MAP2: variants seen among roughly 807,000 people sequenced by gnomAD.
MAP2 encodes the protein microtubule-associated protein 2.
Under a neutral mutation model 137.6 loss-of-function variants are expected in MAP2, and 14 were observed. The ratio of observed to expected loss-of-function variants is 0.10; its 90% confidence interval spans 0.07 to 0.16. MAP2 has a LOEUF of 0.16. Ranked by LOEUF, MAP2 falls within the 10% of genes least tolerant of loss-of-function variation. The pLI, the probability that MAP2 is intolerant of heterozygous loss-of-function variation, is 1.00. For missense variants in MAP2, 2,088 were observed against 2,191.5 expected, an observed-to-expected ratio of 0.95 and a Z score of 0.94; for synonymous variants, 786 against 782.3, an observed-to-expected ratio of 1.00 and a Z score of -0.08.
intron 1 of MAP2, among the ~76,000 whole-genome samples, chr2:209,495,302 C>A (rs10183315): frequency 1.6e-4 from 24 of 152,368 alleles, no homozygotes; most frequent in Admixed American, 2.0e-4. Context: ...CTGAAGAGAG[C>A]GGCAGATCTC....
rs2074178632 is a variant in MAP2 at position 209,570,284 on chromosome 2, C to CT, written c.-171-9750dup. On this transcript the variant is annotated intron_variant, in intron 2 of 15. Coordinates refer to ENST00000682079, the MANE Select transcript of MAP2 (RefSeq NM_001375505.1). ...AAAATTCTTAGTTCTATGTTTATCT[C>CT]TTCCTCTTCTGATACCTTCTAAGTG... Among the ~76,000 whole-genome samples, 4 of 151,790 alleles carry CT rather than the reference C, an allele frequency of 2.6e-5. No individual in the cohort carries two copies. The South Asian group carries it at 8.3e-4, about 31-fold the overall frequency.
At chr2:209,664,777 T>A (rs1331446657) in intron 5 of MAP2, among the ~76,000 whole-genome samples, 2 of 151,320 alleles carry the variant, frequency 1.3e-5, no homozygotes, top group Non-Finnish European at 2.9e-5. Flanking sequence ...CTGGCCAACA[T>A]TGTGAAATCC....
intron 2 of MAP2, among the ~76,000 whole-genome samples, chr2:209,521,820 G>A (rs913839396): frequency 3.9e-5 from 6 of 151,958 alleles, no homozygotes; most frequent in African/African-American, 1.2e-4. Context: ...TTCCTTAATT[G>A]TTGTTTTCAT....
At chr2:209,710,283 G>T in intron 13 of MAP2, 29 bp downstream of exon 13, 2 of 1,510,344 alleles carry the variant, frequency 1.3e-6, no homozygotes, top group Non-Finnish European at 1.8e-6. Context: ...CATATTTGCT[G>T]CCAGAAATAA....
chr2:209,720,656 A>C (rs1032356804), intron 13 of MAP2, among the ~76,000 whole-genome samples: 3 of 151,668 alleles, frequency 2.0e-5, no homozygotes, highest in African/African-American at 4.8e-5. Flanking sequence ...AAAAAAAAAA[A>C]AAAAACTTGA....
intron 1 of MAP2, among the ~76,000 whole-genome samples, chr2:209,473,355 T>C (rs1706290460): frequency 6.6e-6 from 1 of 152,156 alleles, no homozygotes; most frequent in Non-Finnish European, 1.5e-5. Flanking sequence ...AATGTTGCTT[T>C]CCTTCATTCT....
At chr2:209,488,442 T>C (rs530288814) in intron 1 of MAP2, among the ~76,000 whole-genome samples, 1 of 152,176 alleles carries the variant, frequency 6.6e-6, no homozygotes, top group South Asian at 2.1e-4. Context: ...ACAGAACCAT[T>C]CACTCCCCTG....
intron 7 of MAP2, among the ~76,000 whole-genome samples, chr2:209,688,432 A>G (rs558681244): frequency 6.6e-6 from 1 of 152,344 alleles, no homozygotes; most frequent in Non-Finnish European, 1.5e-5. Flanking sequence ...TGCTATATTA[A>G]TATGATAGAT....
At chr2:209,528,983 A>G (rs1193031468) in intron 2 of MAP2, among the ~76,000 whole-genome samples, 1 of 151,898 alleles carries the variant, frequency 6.6e-6, no homozygotes, top group Non-Finnish European at 1.5e-5. Context: ...CACATTTTAA[A>G]AAGCCTAATC....
rs550382208 is a variant in MAP2 at position 209,701,419 on chromosome 2, T to G, written c.4584+1081T>G. On this transcript the variant is annotated intron_variant, in intron 11 of 15. Coordinates refer to ENST00000682079, the MANE Select transcript of MAP2 (RefSeq NM_001375505.1). ...TGACCAAAGCCAACATGAAGTATTT[T>G]CACTCCTTTATGATTGAAAGAAAAA... Among the ~76,000 whole-genome samples, 3 of 152,096 alleles carry G rather than the reference T, an allele frequency of 2.0e-5. No individual in the cohort carries two copies. The East Asian group carries it at 5.8e-4, about 29-fold the overall frequency.
chr2:209,601,767 C>T (rs139640395), intron 3 of MAP2, among the ~76,000 whole-genome samples: 422 of 152,126 alleles, frequency 2.8e-3, no homozygotes, highest in Admixed American at 4.8e-3. Context: ...CTGTGATATG[C>T]GACATACAGA....
intron 5 of MAP2, among the ~76,000 whole-genome samples, chr2:209,674,273 A>G (rs76776683): frequency 0.033 from 4,954 of 151,910 alleles, 261 homozygotes; most frequent in African/African-American, 0.11. Context: ...TAGAAGACTC[A>G]GAAAAATACA....
chr2:209,499,510 ATG>A, intron 1 of MAP2, among the ~76,000 whole-genome samples: 1 of 152,212 alleles, frequency 6.6e-6, no homozygotes, highest in South Asian at 2.1e-4. Flanking sequence ...TCACATTTCC[ATG>A]TATCTTTATA....
At chr2:209,597,535 C>T (rs149083242) in intron 3 of MAP2, among the ~76,000 whole-genome samples, 19 of 152,246 alleles carry the variant, frequency 1.2e-4, no homozygotes, top group Middle Eastern at 3.4e-3. Flanking sequence ...TCACAGGCAC[C>T]ATTGTACACA....
At chr2:209,593,889 A>G (rs1364679114) in intron 3 of MAP2, among the ~76,000 whole-genome samples, 2 of 52,250 alleles carry the variant, frequency 3.8e-5, no homozygotes, top group Admixed American at 4.1e-4. Context: ...ATATATTTAT[A>G]TTATTAAAAT....
rs35558337 is a variant in MAP2 at position 209,649,204 on chromosome 2, T to TGG, written c.-29-3934_-29-3933dup. 4.4e-4 allele frequency among the ~76,000 whole-genome samples: 67 copies of TGG among 151,810 alleles called. No homozygotes were observed. The Middle Eastern group carries it at 0.01, about 23-fold the overall frequency. Reference sequence around the variant, plus strand: ...TTAAAAAAAAATTTTTTTGTAGAGATGGGGGTCTCACTATGTTGATCAGGC... The same window carrying TGG: ...TTAAAAAAAAATTTTTTTGTAGAGATGGGGGGGTCTCACTATGTTGATCAGGC... On this transcript the variant is annotated intron_variant, in intron 4 of 15. Transcript: ENST00000682079.
At chr2:209,658,125 G>A (rs925866379) in intron 5 of MAP2, among the ~76,000 whole-genome samples, 7 of 152,114 alleles carry the variant, frequency 4.6e-5, no homozygotes, top group Admixed American at 3.3e-4. Context: ...ATTAGAACTT[G>A]TATCAAGATC....
At chr2:209,494,580 A>C (rs2059525419) in intron 1 of MAP2, among the ~76,000 whole-genome samples, 1 of 152,154 alleles carries the variant, frequency 6.6e-6, no homozygotes, top group Non-Finnish European at 1.5e-5. Flanking sequence ...GTATGGTCTA[A>C]AAAGGTGAGG....
At chr2:209,633,604 A>G (rs1290095502) in intron 4 of MAP2, among the ~76,000 whole-genome samples, 1 of 152,150 alleles carries the variant, frequency 6.6e-6, no homozygotes. Context: ...AATAGATTTT[A>G]TGGTGATGGT....
Sources: allele counts gnomAD v4.1 joint callset (sites outside exome capture counted in the v4.1 genomes callset), GRCh38; gene constraint gnomAD v4.1.1; transcripts MANE v1.5; gene names NCBI Gene and HGNC (gene_info 2026-07-23, HGNC 2026-07-21).